Variants in WDPCP observed in about 807,000 individuals in gnomAD.
The protein encoded by WDPCP is WD repeat-containing and planar cell polarity effector protein fritz homolog.
In WDPCP, 71 loss-of-function variants were observed where a neutral mutation model predicts 93.1. That is an observed-to-expected ratio of 0.76 (90% CI 0.63 to 0.93). The LOEUF is 0.93. Among genes scored for constraint, WDPCP ranks in the 40% least tolerant of loss-of-function variants. WDPCP has a pLI of 0.00. For synonymous variants in WDPCP, 315 were observed against 315.0 expected, an observed-to-expected ratio of 1.00 and a Z score of 0.00; for missense variants, 844 against 887.4, an observed-to-expected ratio of 0.95 and a Z score of 0.62.
At chr2:63,622,725 G>A (rs1709759533) in intron 3 of WDPCP, 9 of 1,613,018 alleles carry the variant, frequency 5.6e-6, no homozygotes, top group African/African-American at 1.3e-5. Context: ...TATGTCTTCC[G>A]TCAAGACATG....
At chr2:63,717,729 G>T in intron 2 of WDPCP, 1 of 440,550 alleles carries the variant, frequency 2.3e-6, no homozygotes. Context: ...CCACAGTTGG[G>T]TGTTGCTCCA....
intron 12 of WDPCP, among the ~76,000 whole-genome samples, chr2:63,337,523 G>A (rs1250918615): frequency 6.6e-6 from 1 of 152,170 alleles, no homozygotes; most frequent in Non-Finnish European, 1.5e-5. Context: ...ATTTAAAGCA[G>A]TAGTAAAATG....
intron 3 of WDPCP, among the ~76,000 whole-genome samples, chr2:63,627,305 A>C (rs1274543550): frequency 2.0e-5 from 3 of 152,216 alleles, no homozygotes; most frequent in African/African-American, 7.2e-5. Flanking sequence ...GTCAGTGACT[A>C]GATTAGAGAG....
At chr2:63,781,203 C>G (rs764998107) in intron 2 of WDPCP, among the ~76,000 whole-genome samples, 5 of 152,182 alleles carry the variant, frequency 3.3e-5, no homozygotes, top group Non-Finnish European at 7.3e-5. Context: ...TTTCCATACT[C>G]AATCCCAGTC....
intron 14 of WDPCP, among the ~76,000 whole-genome samples, chr2:63,211,819 C>T (rs971025652): frequency 4.6e-5 from 7 of 152,036 alleles, no homozygotes; most frequent in Admixed American, 1.3e-4. Flanking sequence ...CTATGTGATG[C>T]GTGCACAAGC....
intron 17 of WDPCP, among the ~76,000 whole-genome samples, chr2:63,138,974 C>A (rs186220315): frequency 6.6e-6 from 1 of 152,258 alleles, no homozygotes; most frequent in East Asian, 1.9e-4. Context: ...TCCTGAGTTA[C>A]TTCACGTAGA....
At chr2:63,462,122 T>C (rs1308358129) in intron 6 of WDPCP, among the ~76,000 whole-genome samples, 2 of 152,176 alleles carry the variant, frequency 1.3e-5, no homozygotes, top group Non-Finnish European at 2.9e-5. Context: ...AATGATAGGC[T>C]GGATTAAGAA....
chr2:63,607,033 TGTC>T, intron 3 of WDPCP: 2 of 1,562,690 alleles, frequency 1.3e-6, no homozygotes, highest in South Asian at 1.2e-5. Flanking sequence ...AGAATCTAAA[TGTC>T]GTCTTTGACT....
At chr2:63,782,826 A>G (rs1670415319) in intron 2 of WDPCP, among the ~76,000 whole-genome samples, 1 of 151,732 alleles carries the variant, frequency 6.6e-6, no homozygotes. Context: ...ACCTGGAGCC[A>G]TCACATTCCC....
At chr2:63,575,326 AGTATATATGGTATATACT>A (rs1442476380) in intron 1 of WDPCP, among the ~76,000 whole-genome samples, 1 of 139,510 alleles carries the variant, frequency 7.2e-6, no homozygotes, top group Admixed American at 7.8e-5. Context: ...ATATATACAC[AGTATATATGGTATATACT>A]GTATATGGTA....
In WDPCP at chr2:63,455,413, GATATAT is replaced by G. The variant is rs59481179; in HGVS notation, c.385-15548_385-15543del. ...CTAAGAAATGTACTTTACTTGTAAAGATATATATATATATATATATATATATACACA... is the reference window on the plus strand; with the variant it reads ...CTAAGAAATGTACTTTACTTGTAAAGATATATATATATATATATATACACA... On this transcript the variant is annotated intron_variant, in intron 6 of 17. Coordinates refer to ENST00000272321, the MANE Select transcript of WDPCP (RefSeq NM_015910.7). Among the ~76,000 whole-genome samples, 488 of 140,806 alleles carry G rather than the reference GATATAT, an allele frequency of 3.5e-3. 1 individual carries two copies. Among genetic ancestry groups the G allele is most frequent in the African/African-American group, 6.0e-3 (233 of 38,598 alleles). 92.4% of individuals were successfully genotyped at this position (140,806 alleles called of 152,430 possible).
At chr2:63,785,922 T>G (rs1670461287) in intron 2 of WDPCP, among the ~76,000 whole-genome samples, 1 of 152,214 alleles carries the variant, frequency 6.6e-6, no homozygotes, top group South Asian at 2.1e-4. Flanking sequence ...GTAGCATAGC[T>G]TCATGTATTG....
chr2:63,526,898 T>C (rs1703377292), intron 1 of WDPCP, among the ~76,000 whole-genome samples: 1 of 152,210 alleles, frequency 6.6e-6, no homozygotes, highest in South Asian at 2.1e-4. Flanking sequence ...GCCACATAAA[T>C]TTGCTCTATA....
At chr2:63,721,692 C>G (rs542813708) in intron 2 of WDPCP, among the ~76,000 whole-genome samples, 24 of 150,988 alleles carry the variant, frequency 1.6e-4, no homozygotes, top group Admixed American at 1.3e-3. Context: ...ATGCTCCCTG[C>G]CCTCCCGCTC....
chr2:63,691,873 AGT>A (rs71393325), intron 2 of WDPCP, among the ~76,000 whole-genome samples: 16,695 of 144,796 alleles, frequency 0.12, 1,035 homozygotes, highest in African/African-American at 0.19. Context: ...TATACTACAA[AGT>A]GTGTGTGTGT....
chr2:63,566,994 C>T (rs960717739), intron 1 of WDPCP, among the ~76,000 whole-genome samples: 11 of 152,110 alleles, frequency 7.2e-5, no homozygotes, highest in African/African-American at 2.2e-4. Flanking sequence ...CAGCAGGGGT[C>T]GGGTGGAGTT....
chr2:63,650,794 C>T (rs1041294169), exon 3 of WDPCP: 1 of 152,240 alleles, frequency 6.6e-6, no homozygotes, highest in African/African-American at 2.4e-5. Context: ...CAGGAGCCAT[C>T]ATTCACATGC....
intron 2 of WDPCP, among the ~76,000 whole-genome samples, chr2:63,676,143 A>T (rs531103989): frequency 1.7e-4 from 26 of 152,352 alleles, no homozygotes; most frequent in Non-Finnish European, 2.4e-4. Flanking sequence ...TAAAATAAAC[A>T]TCTGTTCAAA....
chr2:63,390,919 G>A (rs1198852434), intron 10 of WDPCP, among the ~76,000 whole-genome samples: 1 of 152,130 alleles, frequency 6.6e-6, no homozygotes, highest in Non-Finnish European at 1.5e-5. Flanking sequence ...ACCAAAAAGT[G>A]TCCAGAACCA....
Sources: allele counts gnomAD v4.1 joint callset (sites outside exome capture counted in the v4.1 genomes callset), GRCh38; gene constraint gnomAD v4.1.1; transcripts MANE v1.5; gene names NCBI Gene and HGNC (gene_info 2026-07-23, HGNC 2026-07-21).